FBXO36: variants seen among roughly 807,000 people sequenced by gnomAD.
The protein encoded by FBXO36 is F-box protein 36, also known as F-box only protein 36.
A neutral mutation model predicts 17.0 loss-of-function variants in FBXO36; 18 were observed. The ratio of observed to expected loss-of-function variants is 1.06; its 90% confidence interval spans 0.73 to 1.57. FBXO36 has a LOEUF of 1.57. Ranked by LOEUF, FBXO36 falls within the 40% of genes most tolerant of loss-of-function variation. FBXO36 has a pLI of 0.00. For synonymous variants in FBXO36, 83 were observed against 85.3 expected (o/e 0.97, Z 0.15); for missense variants, 229 against 221.9 (o/e 1.03, Z -0.20).
rs184791772 is a variant in FBXO36, at chr2:229,965,050, C to T, written c.97-11191C>T. 1.7e-4 allele frequency among the ~76,000 whole-genome samples: 26 copies of T among 152,040 alleles called. No homozygotes were observed. The East Asian group carries it at 4.6e-3, about 27-fold the overall frequency. On this transcript the variant is annotated intron_variant, in intron 1 of 3. Transcript: ENST00000283946. Reference sequence around the variant, plus strand: ...CTTTGATTGTTTCTGGATTTTGAGACACAGTTTGAAATATGTTAAAGGAAT... The same window carrying T: ...CTTTGATTGTTTCTGGATTTTGAGATACAGTTTGAAATATGTTAAAGGAAT...
At chr2:229,948,029 T>C (rs6714391) in intron 1 of FBXO36, among the ~76,000 whole-genome samples, 2,144 of 152,134 alleles carry the variant, frequency 0.014, 54 homozygotes, top group African/African-American at 0.048. Flanking sequence ...CTGGGTGTGG[T>C]GGCTCACGCC....
chr2:229,937,014 A>T (rs1386305945), intron 1 of FBXO36, among the ~76,000 whole-genome samples: 1 of 152,148 alleles, frequency 6.6e-6, no homozygotes. Flanking sequence ...GAACTTCTAA[A>T]ATTGCAAATG....
At chr2:229,954,297 C>T (rs1216272453) in intron 1 of FBXO36, among the ~76,000 whole-genome samples, 1 of 127,302 alleles carries the variant, frequency 7.9e-6, no homozygotes, top group Non-Finnish European at 1.6e-5. Context: ...GGCTGGAATG[C>T]AATGGCCCAA....
intron 1 of FBXO36, among the ~76,000 whole-genome samples, chr2:229,940,774 A>T (rs2076993799): frequency 6.6e-6 from 1 of 152,198 alleles, no homozygotes; most frequent in African/African-American, 2.4e-5. Flanking sequence ...CTTCCCCTTC[A>T]GAAGGAAGGA....
chr2:229,943,618 T>C (rs536863205), intron 1 of FBXO36, among the ~76,000 whole-genome samples: 31 of 152,162 alleles, frequency 2.0e-4, no homozygotes, highest in African/African-American at 7.5e-4. Context: ...ATTGGAAATG[T>C]GAGAGGCTGT....
intron 1 of FBXO36, among the ~76,000 whole-genome samples, chr2:229,940,324 G>A (rs942752469): frequency 2.0e-5 from 3 of 152,068 alleles, no homozygotes; most frequent in Non-Finnish European, 2.9e-5. Flanking sequence ...TATTGAAAGC[G>A]TAACTAAGAG....
At chr2:229,999,382 C>T (rs2077345529) in intron 3 of FBXO36, among the ~76,000 whole-genome samples, 1 of 151,276 alleles carries the variant, frequency 6.6e-6, no homozygotes, top group Non-Finnish European at 1.5e-5. Context: ...CCACCTCGGC[C>T]TCCCAAAGTG....
chr2:230,012,886 A>G lies in FBXO36; in HGVS notation c.*2002A>G, dbSNP rs1436489882. On this transcript the variant is annotated 3_prime_UTR_variant, in exon 4 of 4. Transcript: ENST00000283946. ...ATGCGCAATAGTTGATTCAGCTTCA[A>G]TCAATAAGAACATAAATATGGCAAT... The G allele has an allele frequency of 1.3e-5, 2 of 151,656 alleles. No homozygotes were observed. The highest frequency in any genetic ancestry group is 2.1e-4 in the South Asian group (1 of 4,834). The allele number at this position is 151,656 out of a possible 1,614,324, so 9.4% of individuals were successfully genotyped here.
At chr2:229,996,279 A>AC (rs1289895483) in intron 2 of FBXO36, among the ~76,000 whole-genome samples, 4 of 152,016 alleles carry the variant, frequency 2.6e-5, no homozygotes, top group Non-Finnish European at 5.9e-5. Flanking sequence ...AAAAAAAAAA[A>AC]ATAAGTTAAA....
At chr2:229,986,443 C>CT (rs2106202589) in intron 2 of FBXO36, among the ~76,000 whole-genome samples, 1 of 152,188 alleles carries the variant, frequency 6.6e-6, no homozygotes, top group East Asian at 1.9e-4. Flanking sequence ...GTCACGGCTG[C>CT]TGTGATTGTG....
chr2:229,952,494 A>G (rs888123290), intron 1 of FBXO36, among the ~76,000 whole-genome samples: 1 of 152,208 alleles, frequency 6.6e-6, no homozygotes, highest in Middle Eastern at 3.2e-3. Flanking sequence ...GCTGTTTCCC[A>G]TGAGGCATCC....
intron 1 of FBXO36, among the ~76,000 whole-genome samples, chr2:229,951,014 A>G (rs1335653580): frequency 1.3e-5 from 2 of 151,950 alleles, no homozygotes; most frequent in African/African-American, 4.8e-5. Flanking sequence ...GCTCGCTGCA[A>G]CCTCCGCCTC....
chr2:229,977,450 T>C (rs1352254796), intron 2 of FBXO36, among the ~76,000 whole-genome samples: 2 of 151,936 alleles, frequency 1.3e-5, no homozygotes, highest in African/African-American at 4.8e-5. Flanking sequence ...TTTTGTTTTT[T>C]GTTTTTTGTT....
At chr2:229,977,883 TTTAATC>T (rs2077217974) in intron 2 of FBXO36, among the ~76,000 whole-genome samples, 1 of 152,186 alleles carries the variant, frequency 6.6e-6, no homozygotes, top group Non-Finnish European at 1.5e-5. Context: ...GTTAATGTCG[TTTAATC>T]TTAATCTACT....
intron 1 of FBXO36, among the ~76,000 whole-genome samples, chr2:229,971,570 A>G (rs2077180534): frequency 6.6e-6 from 1 of 152,112 alleles, no homozygotes; most frequent in African/African-American, 2.4e-5. Flanking sequence ...CTCTGAGCAC[A>G]AGCTATGTGA....
At position 230,002,307 on chromosome 2, in the gene FBXO36, T is replaced by C. The variant is rs55898503; in HGVS notation, c.378+5384T>C. On this transcript the variant is annotated intron_variant, in intron 3 of 3. Transcript: ENST00000283946. ...TTTTTTCAATAATGTCCTTTTGCTG[T>C]TTTATGTCCAATCTAGCTTACTACA... Among the ~76,000 whole-genome samples the C allele has an allele frequency of 6.5e-3, 993 of 152,296 alleles. 14 individuals carry two copies. The highest frequency in any genetic ancestry group is 0.023 in the African/African-American group (938 of 41,568).
chr2:229,995,587 TC>T (rs1369273744), intron 2 of FBXO36, among the ~76,000 whole-genome samples: 1 of 114,096 alleles, frequency 8.8e-6, no homozygotes, highest in Non-Finnish European at 1.9e-5. Flanking sequence ...TCTTTCTCTT[TC>T]TTTCTTTCTT....
At chr2:229,925,670 C>T (rs2076908479) in intron 1 of FBXO36, among the ~76,000 whole-genome samples, 1 of 152,040 alleles carries the variant, frequency 6.6e-6, no homozygotes, top group African/African-American at 2.4e-5. Context: ...GGCCTTAAAT[C>T]CAAATAACTG....
intron 1 of FBXO36, among the ~76,000 whole-genome samples, chr2:229,938,833 C>T (rs1423747941): frequency 1.6e-4 from 23 of 146,778 alleles, no homozygotes; most frequent in African/African-American, 5.6e-4. Context: ...CATCTCGGCT[C>T]ACCGCAACCT....
Sources: gnomAD v4.1 joint callset for allele counts (sites outside exome capture counted in the v4.1 genomes callset) on GRCh38, gnomAD v4.1.1 for gene constraint, MANE v1.5 for transcripts, NCBI Gene and HGNC (gene_info 2026-07-23, HGNC 2026-07-21) for gene names.